MGAT4C: variants seen among roughly 807,000 people sequenced by gnomAD.
MGAT4C encodes alpha-1,3-mannosyl-glycoprotein 4-beta-N-acetylglucosaminyltransferase C.
MGAT4C carries 19 observed loss-of-function variants against 40.1 expected under a neutral mutation model. That is an observed-to-expected ratio of 0.47 (90% CI 0.33 to 0.70). The LOEUF (loss-of-function observed/expected upper bound fraction) is 0.70, where lower values mean the gene tolerates loss of function less well. Ranked by LOEUF, MGAT4C falls within the 30% of genes least tolerant of loss-of-function variation. The probability of loss-of-function intolerance (pLI) is 0.02; values close to 1 mark genes in which losing one functional copy is unlikely to be tolerated. For synonymous variants in MGAT4C, 181 were observed against 187.1 expected (o/e 0.97, Z 0.27); for missense variants, 491 against 563.2 (o/e 0.87, Z 1.30).
rs890533190 is a variant in MGAT4C, at chr12:85,974,931, C to T, written c.*4358G>A. On this transcript the variant is annotated 3_prime_UTR_variant, in exon 5 of 5. Transcript: ENST00000611864. Reference sequence around the variant, plus strand: ...AAGATGCCAGAGAACCGGATCCTGACATTAAAAAAAAAAAGTAAAAAGATT... The same window carrying T: ...AAGATGCCAGAGAACCGGATCCTGATATTAAAAAAAAAAAGTAAAAAGATT... 2.0e-5 allele frequency: 3 copies of T among 148,164 alleles called. No homozygotes were observed. The highest frequency in any genetic ancestry group is 4.9e-5 in the African/African-American group (2 of 40,574). 9.2% of individuals were successfully genotyped at this position (148,164 alleles called of 1,614,324 possible). A position where few individuals can be genotyped will look rare whatever the true frequency, so the allele number is the denominator to read the frequency against.
chr12:86,637,613 C>T (rs1963259466), intron 2 of MGAT4C, among the ~76,000 whole-genome samples: 1 of 151,890 alleles, frequency 6.6e-6, no homozygotes, highest in African/African-American at 2.4e-5. Context: ...CCCACTACTT[C>T]GTTTCAAATA....
At position 86,509,650 on chromosome 12, in the gene MGAT4C, G is replaced by A. The variant is rs1027462225; in HGVS notation, c.-228-74385C>T. On this transcript the variant is annotated intron_variant, in intron 2 of 7. Transcript: ENST00000548651. ...GCATTGAATCTGTAAATTACCTTGGGCAGTATGGCCATTTTCATGATATTG... is the reference window on the plus strand; with the variant it reads ...GCATTGAATCTGTAAATTACCTTGGACAGTATGGCCATTTTCATGATATTG... Among the ~76,000 whole-genome samples, 3 of 152,018 alleles carry A rather than the reference G, an allele frequency of 2.0e-5. 1 individual carries two copies. The highest frequency in any genetic ancestry group is 7.3e-5 in the African/African-American group (3 of 41,364).
intron 4 of MGAT4C, among the ~76,000 whole-genome samples, chr12:86,266,822 T>C (rs78893636): frequency 0.023 from 3,470 of 152,198 alleles, 74 homozygotes; most frequent in Non-Finnish European, 0.035. Context: ...TGCTGCTGTT[T>C]ATTGGCCTGC....
At chr12:86,783,135 A>G (rs950190295) in intron 1 of MGAT4C, among the ~76,000 whole-genome samples, 1 of 152,212 alleles carries the variant, frequency 6.6e-6, no homozygotes, top group African/African-American at 2.4e-5. Flanking sequence ...GTGTGATTCC[A>G]TCATCATTTT....
chr12:86,306,390 A>G (rs1953935127), intron 4 of MGAT4C, among the ~76,000 whole-genome samples: 1 of 150,682 alleles, frequency 6.6e-6, no homozygotes, highest in Non-Finnish European at 1.5e-5. Flanking sequence ...ATTGATATAT[A>G]CAATAACATG....
At chr12:86,774,339 C>CTTTCTTTCTTTCTTTCTTTCTTTCTTTT in intron 1 of MGAT4C, among the ~76,000 whole-genome samples, 1 of 71,184 alleles carries the variant, frequency 1.4e-5, no homozygotes, top group Middle Eastern at 7.2e-3. Flanking sequence ...TTCTTTCTTT[C>CTTTCTTTCTTTCTTTCTTTCTTTCTTTT]TGTCTCTCTC....
chr12:86,030,028 C>T (rs1047745441), intron 2 of MGAT4C, among the ~76,000 whole-genome samples: 1 of 151,640 alleles, frequency 6.6e-6, no homozygotes, highest in African/African-American at 2.4e-5. Context: ...TTACATCAAA[C>T]ACATTTTTTT....
At chr12:86,801,511 T>A (rs1473067149) in intron 1 of MGAT4C, among the ~76,000 whole-genome samples, 1 of 151,758 alleles carries the variant, frequency 6.6e-6, no homozygotes, top group Non-Finnish European at 1.5e-5. Context: ...TCTGAGTTTG[T>A]TGAAGGCAGG....
chr12:86,080,462 G>T (rs1870619197), intron 1 of MGAT4C, among the ~76,000 whole-genome samples: 1 of 151,992 alleles, frequency 6.6e-6, no homozygotes, highest in South Asian at 2.1e-4. Context: ...ATCAAATAGA[G>T]CATTTAAGAA....
chr12:86,363,220 A>T (rs918031829), intron 3 of MGAT4C, among the ~76,000 whole-genome samples: 1 of 152,136 alleles, frequency 6.6e-6, no homozygotes, highest in Admixed American at 6.5e-5. Flanking sequence ...TATTATTTTA[A>T]AATGTATGTA....
At chr12:86,746,695 G>C (rs1044339595) in intron 1 of MGAT4C, among the ~76,000 whole-genome samples, 2 of 151,418 alleles carry the variant, frequency 1.3e-5, no homozygotes, top group Non-Finnish European at 3.0e-5. Context: ...CCTTCTACAT[G>C]CTCCTCGCTC....
intron 1 of MGAT4C, among the ~76,000 whole-genome samples, chr12:86,187,089 G>A (rs1888847178): frequency 6.6e-6 from 1 of 151,956 alleles, no homozygotes; most frequent in African/African-American, 2.4e-5. Flanking sequence ...TTTTTTTCAT[G>A]CTCTATACGA....
chr12:86,358,607 G>C (rs1955374330), intron 3 of MGAT4C, among the ~76,000 whole-genome samples: 1 of 152,126 alleles, frequency 6.6e-6, no homozygotes, highest in South Asian at 2.1e-4. Context: ...GACACACATA[G>C]GCTCAAAATA....
chr12:86,620,613 C>T (rs1962605985), intron 2 of MGAT4C, among the ~76,000 whole-genome samples: 1 of 152,036 alleles, frequency 6.6e-6, no homozygotes. Context: ...GTACAATATT[C>T]ACTAGTTGTA....
At chr12:86,415,925 A>G (rs1244281309) in intron 3 of MGAT4C, among the ~76,000 whole-genome samples, 2 of 152,070 alleles carry the variant, frequency 1.3e-5, no homozygotes, top group African/African-American at 2.4e-5. Context: ...TAATTACACA[A>G]AAAAGATTTC....
chr12:86,217,715 G>A (rs1314482770), intron 1 of MGAT4C, among the ~76,000 whole-genome samples: 1 of 152,122 alleles, frequency 6.6e-6, no homozygotes, highest in Non-Finnish European at 1.5e-5. Flanking sequence ...AACTCTATAT[G>A]CAAATATGTA....
rs148523275 is a variant in MGAT4C at position 86,238,277 on chromosome 12, C to T, written c.-57+17962G>A. On this transcript the variant is annotated intron_variant, in intron 1 of 4. Coordinates refer to ENST00000611864, the MANE Select transcript of MGAT4C (RefSeq NM_001351288.2). ...CTGAACACGTGGAAGATGCTTTGAGCTCTTTGCAAAGAATAATCCATGATA... is the reference window on the plus strand; with the variant it reads ...CTGAACACGTGGAAGATGCTTTGAGTTCTTTGCAAAGAATAATCCATGATA... Among the ~76,000 whole-genome samples the T allele has an allele frequency of 3.9e-5, 6 of 152,050 alleles. No homozygotes were observed. In the East Asian group the frequency reaches 1.2e-3, roughly 29 times the overall value.
At chr12:86,687,085 T>C (rs965059867) in intron 2 of MGAT4C, among the ~76,000 whole-genome samples, 29 of 152,240 alleles carry the variant, frequency 1.9e-4, no homozygotes, top group African/African-American at 7.0e-4. Flanking sequence ...GATGCATGTG[T>C]CCAGGAATTT....
intron 4 of MGAT4C, among the ~76,000 whole-genome samples, chr12:86,299,151 T>A (rs1441061771): frequency 6.6e-6 from 1 of 152,214 alleles, no homozygotes; most frequent in Non-Finnish European, 1.5e-5. Context: ...AATCTCGCTC[T>A]GTCGCCCAGG....
Sources: gnomAD v4.1 joint callset for allele counts (sites outside exome capture counted in the v4.1 genomes callset) on GRCh38, gnomAD v4.1.1 for gene constraint, MANE v1.5 for transcripts, NCBI Gene and HGNC (gene_info 2026-07-23, HGNC 2026-07-21) for gene names.